The following FSTL4 variants were observed in gnomAD, a reference collection of about 807,000 sequenced individuals.
FSTL4 encodes the protein follistatin like 4, also known as follistatin-related protein 4.
Under a neutral mutation model 78.2 loss-of-function variants are expected in FSTL4, and 28 were observed. The observed-to-expected ratio is 0.36, with a 90% CI of 0.27 to 0.49. The LOEUF is 0.49. FSTL4 is among the 20% of genes least tolerant of loss of function. The pLI is 0.98. For synonymous variants in FSTL4, 422 were observed against 440.5 expected, an observed-to-expected ratio of 0.96 and a Z score of 0.53; for missense variants, 922 against 1,084.9, an observed-to-expected ratio of 0.85 and a Z score of 2.11.
Position 133,210,317 on chromosome 5 carries a change from CAT to C in FSTL4, c.1609-21_1609-20del, listed in dbSNP as rs1438484684. On this transcript the variant is annotated intron_variant, in intron 13 of 15. Transcript: ENST00000265342. ...CTATGGACTTGAAAAAAAATAGTGACATGTTGTGAAAGCTGACATGATGGTCA... is the reference window on the plus strand; with the variant it reads ...CTATGGACTTGAAAAAAAATAGTGACGTTGTGAAAGCTGACATGATGGTCA... 5.0e-6 allele frequency: 7 copies of C among 1,398,088 alleles called. No homozygotes were observed. Among genetic ancestry groups the C allele is most frequent in the Non-Finnish European group, 6.1e-6 (6 of 983,050 alleles). The allele number at this position is 1,398,088 out of a possible 1,614,324, so 86.6% of individuals were successfully genotyped here.
At position 133,361,197 on chromosome 5, in the gene FSTL4, G is replaced by A. The variant is rs1755062174; in HGVS notation, c.409+39541C>T. Among the ~76,000 whole-genome samples, 1 of 152,158 alleles carries A rather than the reference G, an allele frequency of 6.6e-6. No individual in the cohort carries two copies. The highest frequency in any genetic ancestry group is 2.1e-4 in the South Asian group (1 of 4,826). ...TTCTCGCTCTAATAAACTTTTCAAG[G>A]AGGGGTCGCATTCCGACCCTGCAGT... is the stretch of plus-strand genomic sequence containing the variant. On this transcript the variant is annotated intron_variant, in intron 4 of 15. Coordinates refer to ENST00000265342, the MANE Select transcript of FSTL4 (RefSeq NM_015082.2). The surrounding 1 kb of genome is among the most constrained non-coding windows in gnomAD (Gnocchi z 4.3).
intron 3 of FSTL4, among the ~76,000 whole-genome samples, chr5:133,466,060 G>T (rs530169999): frequency 7.9e-5 from 12 of 152,308 alleles, no homozygotes; most frequent in African/African-American, 2.9e-4. Context: ...GGAAGGAAAC[G>T]GGACATGGCC....
At chr5:133,519,413 C>T (rs1370548507) in intron 3 of FSTL4, among the ~76,000 whole-genome samples, 1 of 152,234 alleles carries the variant, frequency 6.6e-6, no homozygotes, top group Non-Finnish European at 1.5e-5. Context: ...GCACCTGGCA[C>T]CTTGTGAGGT....
chr5:133,774,210 C>T, the FSTL4 span, among the ~76,000 whole-genome samples: 4 of 152,240 alleles, frequency 2.6e-5, no homozygotes, highest in Non-Finnish European at 5.9e-5. Context: ...AGAACAGATA[C>T]GGCTGAAGAT....
chr5:133,690,713 C>T, the FSTL4 span, among the ~76,000 whole-genome samples: 2 of 152,332 alleles, frequency 1.3e-5, no homozygotes, highest in African/African-American at 4.8e-5. Context: ...CGTTTTGTGG[C>T]TATGCATATA....
intron 2 of FSTL4, among the ~76,000 whole-genome samples, chr5:133,580,820 G>A (rs986973280): frequency 2.6e-5 from 4 of 152,198 alleles, no homozygotes; most frequent in Non-Finnish European, 4.4e-5. Flanking sequence ...AGGTCCTAGG[G>A]ATGGCAGTAG....
At chr5:133,423,462 C>G (rs1336563858) in intron 3 of FSTL4, among the ~76,000 whole-genome samples, 1 of 152,236 alleles carries the variant, frequency 6.6e-6, no homozygotes, top group Non-Finnish European at 1.5e-5. Flanking sequence ...CTCAGCCTCC[C>G]TCCTGGAACC....
intron 4 of FSTL4, among the ~76,000 whole-genome samples, chr5:133,379,555 A>G (rs2126951545): frequency 6.6e-6 from 1 of 152,342 alleles, no homozygotes; most frequent in East Asian, 1.9e-4. Flanking sequence ...AAATATGTTC[A>G]TCTACCACAA....
intron 3 of FSTL4, among the ~76,000 whole-genome samples, chr5:133,419,904 G>T (rs1756657821): frequency 6.6e-6 from 1 of 152,120 alleles, no homozygotes; most frequent in Non-Finnish European, 1.5e-5. Context: ...CCACTCATAG[G>T]TATATATCCA....
chr5:133,583,449 G>A lies in FSTL4; in HGVS notation c.127-16230C>T, dbSNP rs529106832. 3.8e-3 allele frequency: 841 copies of A among 220,176 alleles called. 137 individuals carry two copies. The highest frequency in any genetic ancestry group is 5.3e-3 in the Non-Finnish European group (570 of 107,302). The allele number at this position is 220,176 out of a possible 1,614,324, so 13.6% of individuals were successfully genotyped here. ...GCAGGCCAGTGTGTGCGCACCGTGC[G>A]CGAGCCGAAGCAGGGCGAGGCATTG... is the stretch of plus-strand genomic sequence containing the variant. On this transcript the variant is annotated intron_variant, in intron 2 of 15. Coordinates refer to ENST00000265342, the MANE Select transcript of FSTL4 (RefSeq NM_015082.2).
chr5:133,221,913 T>TTTTTTTTTTTG (rs1751140098), intron 11 of FSTL4, among the ~76,000 whole-genome samples: 1 of 97,840 alleles, frequency 1.0e-5, no homozygotes. Flanking sequence ...TTTTTTTTTT[T>TTTTTTTTTTTG]TTTTTTTTTT....
the FSTL4 span, among the ~76,000 whole-genome samples, chr5:133,650,954 A>G: frequency 6.6e-6 from 1 of 152,186 alleles, no homozygotes; most frequent in East Asian, 1.9e-4. Context: ...TACAGATCTT[A>G]TATGTACTTT....
chr5:133,207,090 C>CT (rs1050429664), intron 14 of FSTL4, among the ~76,000 whole-genome samples: 162 of 152,166 alleles, frequency 1.1e-3, no homozygotes, highest in African/African-American at 3.7e-3. Context: ...TAGTGATATA[C>CT]TTTTTTATAT....
At chr5:133,621,216 C>T in the FSTL4 span, among the ~76,000 whole-genome samples, 3 of 152,122 alleles carry the variant, frequency 2.0e-5, no homozygotes, top group South Asian at 2.1e-4. Flanking sequence ...CTGGCTAATA[C>T]GGTGAAACCC....
intron 1 of FSTL4, among the ~76,000 whole-genome samples, chr5:133,605,205 A>G (rs1245764462): frequency 2.0e-5 from 3 of 152,168 alleles, no homozygotes; most frequent in African/African-American, 7.2e-5. Flanking sequence ...TAGAACCCCT[A>G]CTCAAGGAAA....
the FSTL4 span, among the ~76,000 whole-genome samples, chr5:133,815,282 A>G: frequency 6.6e-6 from 1 of 152,224 alleles, no homozygotes; most frequent in Non-Finnish European, 1.5e-5. Flanking sequence ...TGGCTAAAGT[A>G]GCTTCCAAAT....
At position 133,348,356 on chromosome 5, in the gene FSTL4, G is replaced by A. The variant is rs545502550; in HGVS notation, c.410-31704C>T. On this transcript the variant is annotated intron_variant, in intron 4 of 15. Transcript: ENST00000265342. Reference sequence around the variant, plus strand: ...GGGGAGAATGTGTAGGAATTTCAGAGCTAGTTTTCCCTCCCAATGAGAGAT... The same window carrying A: ...GGGGAGAATGTGTAGGAATTTCAGAACTAGTTTTCCCTCCCAATGAGAGAT... Among the ~76,000 whole-genome samples, 7 of 152,360 alleles carry A rather than the reference G, an allele frequency of 4.6e-5. No individual in the cohort carries two copies. In the South Asian group the frequency reaches 1.5e-3, roughly 32 times the overall value.
At chr5:133,469,954 C>CAGA (rs1425767800) in intron 3 of FSTL4, among the ~76,000 whole-genome samples, 1 of 151,642 alleles carries the variant, frequency 6.6e-6, no homozygotes, top group Non-Finnish European at 1.5e-5. Flanking sequence ...AAAAAAAAAA[C>CAGA]AGAAGAATTT....
chr5:133,304,989 T>G (rs1022362519), intron 6 of FSTL4, among the ~76,000 whole-genome samples: 2 of 152,228 alleles, frequency 1.3e-5, no homozygotes, highest in African/African-American at 2.4e-5. Context: ...GGCAGATGCA[T>G]GCACTCAGCT....
Sources: allele counts gnomAD v4.1 joint callset (sites outside exome capture counted in the v4.1 genomes callset), GRCh38; gene constraint gnomAD v4.1.1; non-coding constraint Gnocchi (gnomAD v3.1); transcripts MANE v1.5; gene names NCBI Gene and HGNC (gene_info 2026-07-23, HGNC 2026-07-21).